The following PKD1L3 variants were observed in gnomAD, a reference collection of about 807,000 sequenced individuals.
PKD1L3 encodes the protein polycystin-1-like protein 3.
In PKD1L3, 239 loss-of-function variants were observed where a neutral mutation model predicts 184.1. The observed-to-expected ratio is 1.30, with a 90% CI of 1.17 to 1.45. The LOEUF (loss-of-function observed/expected upper bound fraction) is 1.45. Among genes scored for constraint, PKD1L3 ranks in the 40% most tolerant of loss-of-function variants. The pLI is 0.00. For synonymous variants in PKD1L3, 996 were observed against 778.8 expected, an observed-to-expected ratio of 1.28 and a Z score of -4.64; for missense variants, 2,660 against 2,067.2, an observed-to-expected ratio of 1.29 and a Z score of -5.56.
At chr16:71,943,716 G>A (rs1201044264) in intron 23 of PKD1L3, among the ~76,000 whole-genome samples, 1 of 152,098 alleles carries the variant, frequency 6.6e-6, no homozygotes, top group African/African-American at 2.4e-5. Context: ...ATGTGTTGAA[G>A]CCAGTCAACT....
At chr16:71,980,822 G>T (rs561360622) in intron 7 of PKD1L3, among the ~76,000 whole-genome samples, 2 of 152,100 alleles carry the variant, frequency 1.3e-5, no homozygotes, top group South Asian at 4.1e-4. Context: ...GCAACAGAGC[G>T]AGACTCTGTC....
In PKD1L3 at chr16:71,973,348, C is replaced by G; in HGVS notation, c.1929G>C (p.Gln643His). The G allele has an allele frequency of 1.3e-6, 2 of 1,551,692 alleles. No individual in the cohort carries two copies. The highest frequency in any genetic ancestry group is 2.4e-5 in the East Asian group (1 of 40,916). The change falls in exon 12 of 30, where the codon CAG (glutamine) becomes CAC (histidine). Residue 643 changes from glutamine to histidine, a missense_variant. Transcript: ENST00000620267. Reference protein sequence around the residue: ...TQCYYWEIHNQTWSSAGCQVG... With the variant: ...TQCYYWEIHNHTWSSAGCQVG... ...CTTGGCATCCGGCGCTGCTCCATGT[C>G]TGGTTGTGGATCTCCCAGTAGTAAC...
At chr16:71,987,652 G>A (rs2040425947) in intron 4 of PKD1L3, among the ~76,000 whole-genome samples, 1 of 152,104 alleles carries the variant, frequency 6.6e-6, no homozygotes, top group South Asian at 2.1e-4. Flanking sequence ...TGGGATTACA[G>A]GTGTGAGCCA....
chr16:71,948,091 A>AT (rs898915401), intron 21 of PKD1L3, among the ~76,000 whole-genome samples: 19 of 151,162 alleles, frequency 1.3e-4, no homozygotes, highest in African/African-American at 3.9e-4. Flanking sequence ...TTTTATTATT[A>AT]TTTTTTTTGA....
At position 71,942,916 on chromosome 16, in the gene PKD1L3, G is replaced by A. The variant is rs377699024; in HGVS notation, c.3968C>T (p.Ser1323Leu). 3.5e-5 allele frequency: 54 copies of A among 1,551,390 alleles called. No homozygotes were observed. In the African/African-American group the frequency reaches 4.7e-4, roughly 13 times the overall value. Reference protein sequence around the residue: ...AIWKTFSHQFSEIKLLQDFYP... With the variant: ...AIWKTFSHQFLEIKLLQDFYP... Reference sequence around the variant, plus strand: ...GAAATCCTGAAGAAGTTTGATTTCCGAGAACTGGTGCGAAAATGTCTTCCA... The same window carrying A: ...GAAATCCTGAAGAAGTTTGATTTCCAAGAACTGGTGCGAAAATGTCTTCCA... Residue 1323 changes from serine to leucine, a missense_variant, in exon 24 of 30, where the codon TCG becomes TTG. Transcript: ENST00000620267.
intron 15 of PKD1L3, among the ~76,000 whole-genome samples, chr16:71,965,502 C>T (rs1036141929): frequency 4.0e-5 from 6 of 150,820 alleles, no homozygotes; most frequent in Non-Finnish European, 5.9e-5. Flanking sequence ...TCACTAGGGG[C>T]GTGTGAGTGT....
chr16:71,967,439 G>A (rs927349979), intron 14 of PKD1L3, 124 bp from the exon 15 acceptor site: 4 of 975,432 alleles, frequency 4.1e-6, no homozygotes, highest in East Asian at 2.6e-5. Flanking sequence ...TCTTAGACAA[G>A]CATAGATAAT....
At chr16:71,987,075 C>T (rs1430027639) in intron 4 of PKD1L3, among the ~76,000 whole-genome samples, 1 of 151,272 alleles carries the variant, frequency 6.6e-6, no homozygotes. Flanking sequence ...CAGGCGTGCA[C>T]CACCATGCCC....
At position 71,984,052 on chromosome 16, in the gene PKD1L3, A is replaced by C. The variant is rs2040266264; in HGVS notation, c.950T>G (p.Phe317Cys). ...LQKLTALTPR[F>C]SKPAQVNLIN... ...TCCACTTACCTGAGCTGGCTTAGAAAATCTTGGGGTTAAGGCTGTTAGTTT... is the reference window on the plus strand; with the variant it reads ...TCCACTTACCTGAGCTGGCTTAGAACATCTTGGGGTTAAGGCTGTTAGTTT... The change falls in exon 6 of 30, where the codon TTT becomes TGT. Residue 317 changes from phenylalanine to cysteine, a missense_variant. Physicochemically the swap from Phe to Cys is radical, Grantham distance 205. Transcript: ENST00000620267. The C allele has an allele frequency of 6.4e-7, 1 of 1,551,960 alleles. No individual in the cohort carries two copies. Among genetic ancestry groups the C allele is most frequent in the Non-Finnish European group, 8.7e-7 (1 of 1,147,032 alleles).
chr16:71,960,098 G>C (rs945327117), intron 16 of PKD1L3, among the ~76,000 whole-genome samples: 2 of 151,868 alleles, frequency 1.3e-5, no homozygotes, highest in African/African-American at 4.8e-5. Flanking sequence ...ACTCCAGCTG[G>C]GGTGACAGAG....
In PKD1L3 at chr16:71,945,319, C is replaced by T. The variant is rs1460866339; in HGVS notation, c.3719-1149G>A. On this transcript the variant is annotated intron_variant, in intron 22 of 29. Coordinates refer to ENST00000620267, the MANE Select transcript of PKD1L3 (RefSeq NM_181536.2). ...ATATATATATATACACACACACACA[C>T]ACATATATACACACACACACACATA... 2.4e-3 allele frequency among the ~76,000 whole-genome samples: 110 copies of T among 44,968 alleles called. 1 individual carries two copies. The highest frequency in any genetic ancestry group is 7.9e-3 in the East Asian group (5 of 632). The allele number at this position is 44,968 out of a possible 152,430, so 29.5% of individuals were successfully genotyped here.
rs573916384 is a variant in PKD1L3 at position 71,947,940 on chromosome 16, G to A, written c.3619-349C>T. 5.6e-5 allele frequency among the ~76,000 whole-genome samples: 8 copies of A among 143,584 alleles called. No homozygotes were observed. The East Asian group carries it at 1.0e-3, about 19-fold the overall frequency. 94.2% of individuals were successfully genotyped at this position (143,584 alleles called of 152,430 possible). Reference sequence around the variant, plus strand: ...AGACTCTTTTTTTTTTTTTTGAGACGGAGTCTCGCTCTGTCACCCAGGCTG... The same window carrying A: ...AGACTCTTTTTTTTTTTTTTGAGACAGAGTCTCGCTCTGTCACCCAGGCTG... On this transcript the variant is annotated intron_variant, in intron 21 of 29. Transcript: ENST00000620267.
intron 28 of PKD1L3, among the ~76,000 whole-genome samples, chr16:71,933,070 C>A (rs1013380332): frequency 2.0e-5 from 3 of 152,028 alleles, no homozygotes; most frequent in Non-Finnish European, 4.4e-5. Context: ...ACCAACTTAC[C>A]CTACCCTGTT....
chr16:71,943,613 T>A (rs2038447455), intron 23 of PKD1L3, among the ~76,000 whole-genome samples: 1 of 150,664 alleles, frequency 6.6e-6, no homozygotes, highest in Non-Finnish European at 1.5e-5. Context: ...AAGCATGCAC[T>A]CTGTCTCTCA....
rs116091658 is a variant in PKD1L3, at chr16:71,966,215, T to A, written c.2465+922A>T. Among the ~76,000 whole-genome samples, 1,110 of 152,256 alleles carry A rather than the reference T, an allele frequency of 7.3e-3. 11 individuals carry two copies. The highest frequency in any genetic ancestry group is 0.024 in the African/African-American group (1,012 of 41,558). On this transcript the variant is annotated intron_variant, in intron 15 of 29. Coordinates refer to ENST00000620267, the MANE Select transcript of PKD1L3 (RefSeq NM_181536.2). ...CTTCATTTTTCTCTTTTTTCCTAAC[T>A]CCAAGGAACCAGTAATCCTCATTCT...
At chr16:71,953,262 T>G (rs1029271230) in intron 17 of PKD1L3, among the ~76,000 whole-genome samples, 169 bp from the exon 18 acceptor site, 1 of 152,210 alleles carries the variant, frequency 6.6e-6, no homozygotes, top group Admixed American at 6.5e-5. Context: ...GCTTCATTTG[T>G]TAATGAATGA....
chr16:71,962,760 A>G (rs1291908674), intron 16 of PKD1L3, among the ~76,000 whole-genome samples: 2 of 152,200 alleles, frequency 1.3e-5, no homozygotes, highest in African/African-American at 2.4e-5. Context: ...GATTGCAAAC[A>G]TGAGTCACGG....
intron 22 of PKD1L3, among the ~76,000 whole-genome samples, chr16:71,944,857 C>T (rs2038506459): frequency 6.6e-6 from 1 of 151,808 alleles, no homozygotes; most frequent in African/African-American, 2.4e-5. Flanking sequence ...TGCCACCACA[C>T]CTGGCTAATT....
intron 23 of PKD1L3, 63 bp downstream of exon 23, chr16:71,943,967 C>G: frequency 6.8e-7 from 1 of 1,473,132 alleles, no homozygotes; most frequent in East Asian, 2.5e-5. Context: ...TTTATTCTCT[C>G]TCTTCCTTTC....
Sources: gnomAD v4.1 joint callset for allele counts (sites outside exome capture counted in the v4.1 genomes callset) on GRCh38, gnomAD v4.1.1 for gene constraint, MANE v1.5 for transcripts, NCBI Gene and HGNC (gene_info 2026-07-23, HGNC 2026-07-21) for gene names.